Variants in GPC6 observed in about 807,000 individuals in gnomAD.
GPC6 encodes glypican 6.
A neutral mutation model predicts 55.2 loss-of-function variants in GPC6; 14 were observed. That is an observed-to-expected ratio of 0.25 (90% CI 0.17 to 0.40). The LOEUF is 0.40. GPC6 is among the 10% of genes least tolerant of loss of function. The pLI, the probability that GPC6 is intolerant of heterozygous loss-of-function variation, is 1.00. For missense variants in GPC6, 641 were observed against 708.5 expected, an observed-to-expected ratio of 0.90 and a Z score of 1.08; for synonymous variants, 278 against 259.6, an observed-to-expected ratio of 1.07 and a Z score of -0.68.
chr13:94,181,239 C>G (rs1454420860), intron 4 of GPC6, among the ~76,000 whole-genome samples: 1 of 152,104 alleles, frequency 6.6e-6, no homozygotes, highest in African/African-American at 2.4e-5. Context: ...TTTGAAATCC[C>G]TAATAAAAAC....
chr13:94,388,485 A>G (rs770213329), intron 7 of GPC6, among the ~76,000 whole-genome samples: 5 of 152,242 alleles, frequency 3.3e-5, no homozygotes, highest in Admixed American at 6.5e-5. Context: ...AGCCTTCGCA[A>G]TGCAGAATAT....
chr13:94,329,398 T>C (rs558147397), intron 6 of GPC6, among the ~76,000 whole-genome samples: 1 of 152,238 alleles, frequency 6.6e-6, no homozygotes, highest in African/African-American at 2.4e-5. Flanking sequence ...CAGCAGCAGA[T>C]CTGTGCCTCG....
chr13:94,192,166 C>T (rs1889417249), intron 4 of GPC6, among the ~76,000 whole-genome samples: 4 of 152,204 alleles, frequency 2.6e-5, no homozygotes, highest in African/African-American at 9.6e-5. Context: ...TGCTTAAATC[C>T]ACTGCTGAAA....
chr13:94,313,805 T>C (rs2139121201), intron 6 of GPC6, among the ~76,000 whole-genome samples: 1 of 152,348 alleles, frequency 6.6e-6, no homozygotes. Context: ...AAGCAAGAGC[T>C]TTGGTGACCT....
At chr13:93,790,685 T>C in intron 2 of GPC6, among the ~76,000 whole-genome samples, 1 of 151,930 alleles carries the variant, frequency 6.6e-6, no homozygotes, top group East Asian at 1.9e-4. Flanking sequence ...AAAAAGAAAA[T>C]ATGAAGACAA....
At chr13:94,039,324 T>G (rs1883449877) in intron 4 of GPC6, among the ~76,000 whole-genome samples, 1 of 151,872 alleles carries the variant, frequency 6.6e-6, no homozygotes, top group African/African-American at 2.4e-5. Flanking sequence ...AAAGATGGAT[T>G]CAGATGGATG....
chr13:93,589,866 G>A (rs1566438577), intron 2 of GPC6, among the ~76,000 whole-genome samples: 1 of 152,182 alleles, frequency 6.6e-6, no homozygotes, highest in Non-Finnish European at 1.5e-5. Flanking sequence ...AAGTTAGCCT[G>A]AGCATTTAAG....
At chr13:94,046,271 A>C (rs952896551) in intron 4 of GPC6, among the ~76,000 whole-genome samples, 1 of 152,064 alleles carries the variant, frequency 6.6e-6, no homozygotes, top group East Asian at 1.9e-4. Context: ...TTGGTTCTAA[A>C]ATGTTTCCCT....
At chr13:94,235,460 G>A (rs1890851892) in intron 4 of GPC6, among the ~76,000 whole-genome samples, 1 of 152,110 alleles carries the variant, frequency 6.6e-6, no homozygotes, top group South Asian at 2.1e-4. Context: ...GATCCCTAAG[G>A]CTCTGCAGTG....
At chr13:93,595,411 G>A (rs893796304) in intron 2 of GPC6, among the ~76,000 whole-genome samples, 6 of 152,248 alleles carry the variant, frequency 3.9e-5, no homozygotes, top group Admixed American at 2.0e-4. Context: ...TTTAAATAAA[G>A]TGTAATTTCT....
chr13:94,358,174 C>T (rs1277749484), intron 6 of GPC6, among the ~76,000 whole-genome samples: 3 of 151,622 alleles, frequency 2.0e-5, no homozygotes. Flanking sequence ...CCTGTAGTTC[C>T]AGCTACTCAG....
At chr13:93,950,640 A>C (rs1879212951) in intron 3 of GPC6, among the ~76,000 whole-genome samples, 1 of 152,172 alleles carries the variant, frequency 6.6e-6, no homozygotes, top group Non-Finnish European at 1.5e-5. Context: ...CGATTAAGTG[A>C]TGATAGCAGA....
chr13:93,683,403 T>C lies in GPC6; in HGVS notation c.319+137982T>C, dbSNP rs563355418. On this transcript the variant is annotated intron_variant, in intron 2 of 8. Transcript: ENST00000377047. ...TGATACTGAATTTAAATTTTAGGCA[T>C]ATGAATAAGGATGAATCATTTTAAT... 1.8e-4 allele frequency among the ~76,000 whole-genome samples: 27 copies of C among 152,254 alleles called. No homozygotes were observed. In the East Asian group the frequency reaches 3.9e-3, roughly 22 times the overall value.
chr13:93,576,104 A>G (rs888169197), intron 2 of GPC6, among the ~76,000 whole-genome samples: 2 of 152,122 alleles, frequency 1.3e-5, no homozygotes, highest in African/African-American at 4.8e-5. Context: ...ACCCCAACTG[A>G]AAGAACAACA....
chr13:93,668,400 C>G (rs1881228382), intron 2 of GPC6, among the ~76,000 whole-genome samples: 1 of 152,170 alleles, frequency 6.6e-6, no homozygotes, highest in African/African-American at 2.4e-5. Flanking sequence ...TAAATAATTT[C>G]TTGCCTGATA....
At chr13:93,578,489 T>C (rs1876774362) in intron 2 of GPC6, among the ~76,000 whole-genome samples, 1 of 152,026 alleles carries the variant, frequency 6.6e-6, no homozygotes, top group Admixed American at 6.5e-5. Context: ...GCATATATTG[T>C]TCATAGTAGT....
chr13:93,362,514 A>G (rs922280324), intron 1 of GPC6, among the ~76,000 whole-genome samples: 1 of 152,116 alleles, frequency 6.6e-6, no homozygotes, highest in Non-Finnish European at 1.5e-5. Context: ...GTGCCCAAAT[A>G]TATTAAATAT....
intron 1 of GPC6, among the ~76,000 whole-genome samples, chr13:93,232,074 T>A (rs1876080871): frequency 6.6e-6 from 1 of 151,056 alleles, no homozygotes; most frequent in African/African-American, 2.4e-5. Flanking sequence ...AACCAACTAA[T>A]TTAATACATT....
chr13:93,900,915 G>A (rs1044278394), intron 3 of GPC6, among the ~76,000 whole-genome samples: 3 of 152,226 alleles, frequency 2.0e-5, no homozygotes, highest in South Asian at 2.1e-4. Flanking sequence ...AGAAAGTTCC[G>A]TATGACACAG....
Sources: allele counts gnomAD v4.1 joint callset (sites outside exome capture counted in the v4.1 genomes callset), GRCh38; gene constraint gnomAD v4.1.1; transcripts MANE v1.5; gene names NCBI Gene and HGNC (gene_info 2026-07-23, HGNC 2026-07-21).